Variants in NLRP3 observed in about 807,000 individuals in gnomAD.
NLRP3 encodes the protein NACHT, LRR and PYD domains-containing protein 3.
NLRP3 carries 48 observed loss-of-function variants against 91.3 expected under a neutral mutation model. The observed-to-expected ratio is 0.53, with a 90% CI of 0.42 to 0.67. The LOEUF is 0.67. Among genes scored for constraint, NLRP3 ranks in the 30% least tolerant of loss-of-function variants. NLRP3 has a pLI of 0.00. For missense variants in NLRP3, 982 were observed against 1,276.9 expected (o/e 0.77, Z 3.52); for synonymous variants, 561 against 507.9 (o/e 1.10, Z -1.41).
Position 247,448,729 on chromosome 1 carries a change from T to G in NLRP3, c.*225T>G. On this transcript the variant is annotated 3_prime_UTR_variant, in exon 10 of 10. Transcript: ENST00000336119. ...ACCAGGACAATGACAGCATCGGGTG[T>G]TGTTGTCATCACAGCGCCTCAGTTA... 1 of 595,944 alleles carries G rather than the reference T, an allele frequency of 1.7e-6. No homozygotes were observed. Among genetic ancestry groups the G allele is most frequent in the East Asian group, 2.9e-5 (1 of 34,880 alleles). 36.9% of individuals were successfully genotyped at this position (595,944 alleles called of 1,614,324 possible).
In NLRP3 at chr1:247,448,515, G is replaced by T. The variant is rs199538597; in HGVS notation, c.*11G>T. 6.4e-7 allele frequency: 1 copy of T among 1,553,774 alleles called. No individual in the cohort carries two copies. Among genetic ancestry groups the T allele is most frequent in the South Asian group, 1.1e-5 (1 of 89,886 alleles). On this transcript the variant is annotated 3_prime_UTR_variant, in exon 10 of 10. Transcript: ENST00000336119. ...GAGCCTTCTTGGTAGGAGTGGAAAC[G>T]GGGCTGCCAGACGCCAGTGTTCTCC...
intron 4 of NLRP3, among the ~76,000 whole-genome samples, chr1:247,428,896 CT>C (rs1174663389): frequency 0.024 from 3,316 of 136,434 alleles, 139 homozygotes; most frequent in African/African-American, 0.079. Flanking sequence ...TTTTCTTTTT[CT>C]TTTTTTTTTT....
Position 247,436,009 on chromosome 1 carries a change from T to C in NLRP3, c.2532T>C (p.Asp844=). ...SCCLTSACCQ[D]LASVLSTSHS... is the part of the protein sequence containing the mutation. ...GCCTCACATCAGCATGTTGTCAGGA[T>C]CTTGCATCAGTATTGAGCACCAGCC... The change falls in exon 7 of 10, where the codon GAT becomes GAC. Residue 844 remains aspartate (D), a synonymous_variant. Coordinates refer to ENST00000336119, the MANE Select transcript of NLRP3 (RefSeq NM_001243133.2). 1 of 1,614,158 alleles carries C rather than the reference T, an allele frequency of 6.2e-7. No homozygotes were observed.
chr1:247,423,245 G>T lies in NLRP3; in HGVS notation c.293G>T (p.Arg98Leu). 6.2e-7 allele frequency: 1 copy of T among 1,612,916 alleles called. No homozygotes were observed. The part of the protein sequence containing the change: ...DEPKWGSDNA[R>L]VSNPTVICQE... ...TCCCTTTTAGGTTCAGATAATGCAC[G>T]TGTTTCGAATCCCACTGTGATATGC... Residue 98 changes from arginine (R) to leucine (L), a missense_variant, in exon 3 of 10, where the codon CGT becomes CTT. Physicochemically the swap from Arg to Leu is moderately radical, Grantham distance 102. Transcript: ENST00000336119.
At chr1:247,426,237 T>A (rs546554691) in intron 4 of NLRP3, among the ~76,000 whole-genome samples, 2 of 152,108 alleles carry the variant, frequency 1.3e-5, no homozygotes, top group Admixed American at 1.3e-4. Flanking sequence ...AGAGCAGAAA[T>A]GTGGAGACCC....
chr1:247,423,231 T>C lies in NLRP3; in HGVS notation c.279T>C (p.Gly93=). The change falls in exon 3 of 10, where the codon GGT becomes GGC. Residue 93 remains glycine, a splice_region_variant and synonymous_variant. Transcript: ENST00000336119. The part of the protein sequence containing the change: ...EKAKRDEPKW[G]SDNARVSNPT... ...TGACACCTTTTTTTTCCCTTTTAGG[T>C]TCAGATAATGCACGTGTTTCGAATC... is the stretch of plus-strand genomic sequence containing the variant. The C allele has an allele frequency of 6.2e-7, 1 of 1,614,026 alleles. No individual in the cohort carries two copies.
At chr1:247,429,332 G>T (rs1048972123) in intron 4 of NLRP3, among the ~76,000 whole-genome samples, 3 of 152,160 alleles carry the variant, frequency 2.0e-5, no homozygotes. Context: ...ACACTGGGGA[G>T]CAGGCTGTAG....
chr1:247,448,141 G>A (rs1206669327), intron 9 of NLRP3, among the ~76,000 whole-genome samples: 1 of 151,848 alleles, frequency 6.6e-6, no homozygotes, highest in African/African-American at 2.4e-5. Flanking sequence ...CAGTGACGAA[G>A]GACACGACGA....
In NLRP3 at chr1:247,434,253, G is replaced by A. The variant is rs760112424; in HGVS notation, c.2472G>A (p.Leu824=). 1 of 1,614,134 alleles carries A rather than the reference G, an allele frequency of 6.2e-7. No individual in the cohort carries two copies. Among genetic ancestry groups the A allele is most frequent in the Non-Finnish European group, 8.5e-7 (1 of 1,180,050 alleles). ...TGTGTGTGGGACTGAAGCACCTGTT[G>A]TGCAATCTGAAGAAGCTCTGGTGAG... ...RLLCVGLKHL[L]CNLKKLWLVS... The change falls in exon 6 of 10, where the codon TTG becomes TTA. Residue 824 remains leucine (L), a synonymous_variant. Transcript: ENST00000336119.
At chr1:247,448,371 G>T in intron 9 of NLRP3, 34 bp from the exon 10 acceptor site, 1 of 1,146,868 alleles carries the variant, frequency 8.7e-7, no homozygotes, top group South Asian at 1.2e-5. Context: ...GTTATCTGAA[G>T]AGTGCAACCC....
chr1:247,446,371 G>A (rs1572234386), intron 9 of NLRP3, among the ~76,000 whole-genome samples: 1 of 152,212 alleles, frequency 6.6e-6, no homozygotes, highest in Non-Finnish European at 1.5e-5. Context: ...TGTCAACATC[G>A]TCTTCTTATC....
intron 2 of NLRP3, among the ~76,000 whole-genome samples, chr1:247,422,571 C>T (rs1307507807): frequency 6.6e-6 from 1 of 152,096 alleles, no homozygotes; most frequent in African/African-American, 2.4e-5. Flanking sequence ...ATGTTGGAAT[C>T]ACCTGGGAGC....
chr1:247,445,134 G>A (rs1212556468), intron 9 of NLRP3, among the ~76,000 whole-genome samples: 1 of 152,162 alleles, frequency 6.6e-6, no homozygotes, highest in Non-Finnish European at 1.5e-5. Flanking sequence ...CGTAGAACTC[G>A]TCTATGGGTC....
At chr1:247,442,621 A>T (rs1336600955) in intron 7 of NLRP3, among the ~76,000 whole-genome samples, 3 of 152,220 alleles carry the variant, frequency 2.0e-5, no homozygotes, top group African/African-American at 7.2e-5. Flanking sequence ...TAAAAGGTGG[A>T]AAGTCCAGGT....
Position 247,425,579 on chromosome 1 carries a change from T to C in NLRP3, c.2130T>C (p.Ser710=). ...TGCAGTGTGTCCTCCCAAGCTCCTC[T>C]CATGCTGCCTGTTCTCATGGGTAAG... is the stretch of plus-strand genomic sequence containing the variant. ...DMVQCVLPSS[S]HAACSHGLVN... is the part of the protein sequence containing the mutation. The change falls in exon 4 of 10, where the codon TCT becomes TCC. Residue 710 remains serine (S), a synonymous_variant. Transcript: ENST00000336119. This position sits in a 1 kb window ranked among gnomAD's most constrained non-coding sequence, Gnocchi z 4.1. 3.1e-6 allele frequency: 5 copies of C among 1,607,796 alleles called. No individual in the cohort carries two copies. The highest frequency in any genetic ancestry group is 4.2e-6 in the Non-Finnish European group (5 of 1,179,992).
chr1:247,443,493 C>T (rs1664372802), intron 7 of NLRP3, among the ~76,000 whole-genome samples: 1 of 151,660 alleles, frequency 6.6e-6, no homozygotes, highest in Non-Finnish European at 1.5e-5. Flanking sequence ...GGACGTTCAC[C>T]TGTTGTCTTT....
chr1:247,443,021 G>A (rs1388968380), intron 7 of NLRP3, among the ~76,000 whole-genome samples: 1 of 152,114 alleles, frequency 6.6e-6, no homozygotes, highest in Non-Finnish European at 1.5e-5. Flanking sequence ...TGCCTCCCAG[G>A]TTCAAGCAAT....
chr1:247,428,050 T>TCACTGAAGCCCCGGTAGGAGGC, intron 4 of NLRP3, among the ~76,000 whole-genome samples: 1 of 147,110 alleles, frequency 6.8e-6, no homozygotes. Context: ...GGACAGACTC[T>TCACTGAAGCCCCGGTAGGAGGC]CACTGAAGCC....
chr1:247,445,698 C>T (rs1463601018), intron 9 of NLRP3, among the ~76,000 whole-genome samples: 2 of 152,146 alleles, frequency 1.3e-5, no homozygotes, highest in Admixed American at 6.5e-5. Context: ...TCCCTGAAGA[C>T]GTTTTCACTG....
Sources: allele counts gnomAD v4.1 joint callset (sites outside exome capture counted in the v4.1 genomes callset), GRCh38; gene constraint gnomAD v4.1.1; non-coding constraint Gnocchi (gnomAD v3.1); transcripts MANE v1.5; gene names NCBI Gene and HGNC (gene_info 2026-07-23, HGNC 2026-07-21).